ORC5: variants seen among roughly 807,000 people sequenced by gnomAD.
ORC5 encodes protein phosphatase 1, regulatory subunit 117.
Under a neutral mutation model 58.8 loss-of-function variants are expected in ORC5, and 39 were observed. The ratio of observed to expected loss-of-function variants is 0.66; its 90% confidence interval spans 0.51 to 0.87. The LOEUF is 0.87. Among genes scored for constraint, ORC5 ranks in the 40% least tolerant of loss-of-function variants. The pLI, the probability that ORC5 is intolerant of heterozygous loss-of-function variation, is 0.00. For synonymous variants in ORC5, 218 were observed against 177.6 expected, an observed-to-expected ratio of 1.23 and a Z score of -1.81; for missense variants, 493 against 506.3, an observed-to-expected ratio of 0.97 and a Z score of 0.25.
intron 12 of ORC5, among the ~76,000 whole-genome samples, chr7:104,149,304 G>A (rs2115803096): frequency 6.6e-6 from 1 of 152,146 alleles, no homozygotes; most frequent in South Asian, 2.1e-4. Context: ...AAAATTGTGG[G>A]AAAATTATAA....
chr7:104,137,008 C>A, intron 12 of ORC5, 115 bp from the exon 13 acceptor site: 1 of 676,520 alleles, frequency 1.5e-6, no homozygotes. Flanking sequence ...AAAACGTCTG[C>A]AAAGAAAATG....
chr7:104,164,146 ATGGT>A (rs1799069301), intron 11 of ORC5, among the ~76,000 whole-genome samples: 1 of 152,180 alleles, frequency 6.6e-6, no homozygotes, highest in African/African-American at 2.4e-5. Context: ...TAGGTTGGGC[ATGGT>A]AGCTCATGCC....
chr7:104,199,159 AC>A (rs36091188), intron 3 of ORC5, among the ~76,000 whole-genome samples: 3,304 of 98,726 alleles, frequency 0.033, 124 homozygotes, highest in African/African-American at 0.12. Flanking sequence ...GTGGGGTTGG[AC>A]CCCCCCTACA....
chr7:104,193,275 T>C (rs1799717243), intron 5 of ORC5, among the ~76,000 whole-genome samples: 1 of 152,114 alleles, frequency 6.6e-6, no homozygotes, highest in African/African-American at 2.4e-5. Context: ...TGGTTTATAA[T>C]AAATATAGAA....
intron 8 of ORC5, among the ~76,000 whole-genome samples, chr7:104,176,182 C>A (rs541802249): frequency 6.6e-6 from 1 of 152,108 alleles, no homozygotes; most frequent in Non-Finnish European, 1.5e-5. Context: ...GTTGTGTCTA[C>A]GTGGTAAAAT....
rs367970844 is a variant in ORC5, at chr7:104,195,233, G to A, written c.463C>T (p.Leu155Phe). The A allele has an allele frequency of 1.3e-5, 20 of 1,556,702 alleles. No homozygotes were observed. Among genetic ancestry groups the A allele is most frequent in the Non-Finnish European group, 1.6e-5 (19 of 1,157,128 alleles). ...QELADRNVTV[L>F]FLSEIVWEKF... ...TCCCAAACAATTTCACTGAGAAAGA[G>A]AACAGTCACATTTCTGTCAGCCTGT... Residue 155 changes from leucine to phenylalanine, a missense_variant, in exon 5 of 14, where the codon CTC becomes TTC. Around this residue, in one of 3 missense-constraint regions of ORC5, gnomAD observed 412 missense variants for 403.7 expected, o/e 1.02. Coordinates refer to ENST00000297431, the MANE Select transcript of ORC5 (RefSeq NM_002553.4).
Position 104,126,748 on chromosome 7 carries a change from T to C in ORC5, c.*100A>G, listed in dbSNP as rs372324427. 2.6e-4 allele frequency: 209 copies of C among 800,124 alleles called. 2 individuals are homozygous for C. In the East Asian group the frequency reaches 3.3e-3, roughly 13 times the overall value. The allele number at this position is 800,124 out of a possible 1,614,324, so 49.6% of individuals were successfully genotyped here. A position where few individuals can be genotyped will look rare whatever the true frequency, so the allele number is the denominator to read the frequency against. On this transcript the variant is annotated 3_prime_UTR_variant, in exon 14 of 14. Transcript: ENST00000297431. ...CCAGCACCTGTTTGGACAAATCCAA[T>C]AGAGCCAAAGAACTCCTCTCCTTGG... is the stretch of plus-strand genomic sequence containing the variant.
At chr7:104,128,804 T>A (rs866121680) in intron 13 of ORC5, among the ~76,000 whole-genome samples, 1 of 151,114 alleles carries the variant, frequency 6.6e-6, no homozygotes, top group Non-Finnish European at 1.5e-5. Flanking sequence ...TATTTGTACA[T>A]CTCTCCAGGC....
At chr7:104,195,930 T>C (rs997960277) in intron 4 of ORC5, among the ~76,000 whole-genome samples, 4 of 152,200 alleles carry the variant, frequency 2.6e-5, no homozygotes, top group African/African-American at 9.6e-5. Flanking sequence ...TCAGTATACA[T>C]GATATCCACC....
rs114406933 is a variant in ORC5, at chr7:104,136,369, T to C, written c.1262+412A>G. ...CGCACAGTAGAATGATTATGTCCCC[T>C]GACCTAGACACTATATTTCTATCAG... On this transcript the variant is annotated intron_variant, in intron 13 of 13. Coordinates refer to ENST00000297431, the MANE Select transcript of ORC5 (RefSeq NM_002553.4). This position sits in a 1 kb window ranked among gnomAD's most constrained non-coding sequence, Gnocchi z 4.2. Among the ~76,000 whole-genome samples the C allele has an allele frequency of 0.022, 3,302 of 152,198 alleles. 80 individuals carry two copies. Among genetic ancestry groups the C allele is most frequent in the South Asian group, 0.12 (593 of 4,812 alleles).
At chr7:104,189,004 T>A (rs1190662016) in intron 5 of ORC5, among the ~76,000 whole-genome samples, 4 of 151,976 alleles carry the variant, frequency 2.6e-5, no homozygotes, top group Non-Finnish European at 4.4e-5. Context: ...AGACTGTGAG[T>A]CTATTAAACC....
At chr7:104,151,950 A>C (rs1287623870) in intron 12 of ORC5, among the ~76,000 whole-genome samples, 1 of 152,180 alleles carries the variant, frequency 6.6e-6, no homozygotes, top group Non-Finnish European at 1.5e-5. Context: ...ACCTGGGCCT[A>C]AGAACCCTAA....
chr7:104,206,190 C>T (rs915763163), intron 1 of ORC5, among the ~76,000 whole-genome samples: 2 of 152,120 alleles, frequency 1.3e-5, no homozygotes, highest in East Asian at 1.9e-4. Context: ...CTAACATAAA[C>T]TGCAATAAGC....
chr7:104,170,264 C>T (rs1453202124), intron 8 of ORC5, among the ~76,000 whole-genome samples: 1 of 152,154 alleles, frequency 6.6e-6, no homozygotes, highest in African/African-American at 2.4e-5. Context: ...CTGTAGTAGG[C>T]TGAATAATGG....
intron 3 of ORC5, among the ~76,000 whole-genome samples, chr7:104,198,772 A>G (rs1040638555): frequency 6.6e-6 from 1 of 152,242 alleles, no homozygotes. Flanking sequence ...CAGCCAAGAC[A>G]ACGGGGAAAA....
At chr7:104,192,008 G>A (rs565798468) in intron 5 of ORC5, among the ~76,000 whole-genome samples, 40 of 152,206 alleles carry the variant, frequency 2.6e-4, no homozygotes, top group Middle Eastern at 3.4e-3. Flanking sequence ...GTAACGGACC[G>A]TAATACCTGA....
intron 1 of ORC5, among the ~76,000 whole-genome samples, chr7:104,206,596 C>T (rs563755373): frequency 6.6e-6 from 1 of 152,308 alleles, no homozygotes; most frequent in African/African-American, 2.4e-5. Context: ...TTGTTGACCT[C>T]TAACTTCCCT....
intron 9 of ORC5, chr7:104,168,139 A>ATATGG: frequency 2.4e-6 from 1 of 420,814 alleles, no homozygotes; most frequent in South Asian, 9.9e-5. Context: ...TTTATTCCAT[A>ATATGG]AAACTCATGA....
Position 104,136,949 on chromosome 7 carries a change from G to A in ORC5, c.1150-56C>T. 8.1e-7 allele frequency: 1 copy of A among 1,233,078 alleles called. No individual in the cohort carries two copies. The highest frequency in any genetic ancestry group is 1.2e-6 in the Non-Finnish European group (1 of 839,700). 76.4% of individuals were successfully genotyped at this position (1,233,078 alleles called of 1,614,324 possible). A position where few individuals can be genotyped will look rare whatever the true frequency, so the allele number is the denominator to read the frequency against. ...TTTAATAAGATTATGTAATACTTTT[G>A]TTTCTGAAACATCTTATAGTCTGAT... On this transcript the variant is annotated intron_variant, in intron 12 of 13. Transcript: ENST00000297431. The surrounding 1 kb of genome is among the most constrained non-coding windows in gnomAD (Gnocchi z 4.2).
Sources: gnomAD v4.1 joint callset for allele counts (sites outside exome capture counted in the v4.1 genomes callset) on GRCh38, gnomAD v4.1.1 for gene constraint, gnomAD v4.1.1 regional missense constraint, Gnocchi (gnomAD v3.1) non-coding constraint, MANE v1.5 for transcripts, NCBI Gene and HGNC (gene_info 2026-07-23, HGNC 2026-07-21) for gene names.